The following PELP1 variants were observed in gnomAD, a reference collection of about 807,000 sequenced individuals.
PELP1 encodes proline, glutamate and leucine rich protein 1, also known as proline-, glutamic acid- and leucine-rich protein 1.
Under a neutral mutation model 95.5 loss-of-function variants are expected in PELP1, and 32 were observed. The ratio of observed to expected loss-of-function variants is 0.34; its 90% CI spans 0.25 to 0.45. The LOEUF is 0.45. Among genes scored for constraint, PELP1 ranks in the 20% least tolerant of loss-of-function variants. The pLI, the probability that PELP1 is intolerant of heterozygous loss-of-function variation, is 1.00. For missense variants in PELP1, 1,358 were observed against 1,444.8 expected, an observed-to-expected ratio of 0.94 and a Z score of 0.97; for synonymous variants, 668 against 600.1, an observed-to-expected ratio of 1.11 and a Z score of -1.65.
Position 4,672,509 on chromosome 17 carries a change from C to T in PELP1, c.2482G>A (p.Glu828Lys), listed in dbSNP as rs749038727. Residue 828 changes from glutamate (E) to lysine (K), a missense_variant, in exon 16 of 17, where the codon GAG becomes AAG. Glu to Lys is a moderately conservative substitution (Grantham distance 56). Transcript: ENST00000572293. ...GGGGCTGCAGGAAGTTCTTCAGGCT[C>T]CTCCTTCGCTGGCACAGGAGGGGAG... is the stretch of plus-strand genomic sequence containing the variant. ...TASPPVPAKEEPEELPAAPGP... is the reference protein window; with the variant it reads ...TASPPVPAKEKPEELPAAPGP... The T allele has an allele frequency of 6.3e-7, 1 of 1,582,220 alleles. No individual in the cohort carries two copies. Among genetic ancestry groups the T allele is most frequent in the Admixed American group, 1.8e-5 (1 of 56,906 alleles).
At chr17:4,689,774 T>C (rs1185837695) in intron 3 of PELP1, among the ~76,000 whole-genome samples, 4 of 152,182 alleles carry the variant, frequency 2.6e-5, no homozygotes, top group Non-Finnish European at 4.4e-5. Context: ...ATGCCTGTAA[T>C]CCCAGCACTT....
At chr17:4,699,296 C>A (rs564052722) in intron 1 of PELP1, among the ~76,000 whole-genome samples, 2 of 151,918 alleles carry the variant, frequency 1.3e-5, no homozygotes, top group African/African-American at 4.8e-5. Context: ...AGGAGAATGA[C>A]GTGAACCCGG....
At chr17:4,701,409 A>C (rs1369223983) in intron 1 of PELP1, among the ~76,000 whole-genome samples, 1 of 152,220 alleles carries the variant, frequency 6.6e-6, no homozygotes, top group African/African-American at 2.4e-5. Flanking sequence ...CAGAGGCTGA[A>C]GGATTTTTAA....
At chr17:4,687,353 A>G (rs1050549801) in intron 3 of PELP1, among the ~76,000 whole-genome samples, 33 of 152,222 alleles carry the variant, frequency 2.2e-4, no homozygotes, top group Non-Finnish European at 4.1e-4. Context: ...GATCATCCTG[A>G]CTAACATGGT....
intron 5 of PELP1, among the ~76,000 whole-genome samples, chr17:4,680,856 T>C (rs1912658525): frequency 6.6e-6 from 1 of 152,250 alleles, no homozygotes. Flanking sequence ...AAACAACAAA[T>C]GTGCCAATTA....
In PELP1 at chr17:4,675,098, C is replaced by T. The variant is rs992573417; in HGVS notation, c.1255G>A (p.Gly419Ser). Residue 419 changes from glycine to serine, a missense_variant, in exon 11 of 17, where the codon GGC becomes AGC. Around this residue, in one of 7 missense-constraint regions of PELP1, gnomAD observed 538 missense variants for 628.1 expected, o/e 0.86. Coordinates refer to ENST00000572293, the MANE Select transcript of PELP1 (RefSeq NM_014389.3). The surrounding 1 kb of genome is among the most constrained non-coding windows in gnomAD (Gnocchi z 4.3). Reference protein sequence around the residue: ...WSIGRDSLSPGQERPYSTVRT... With the variant: ...WSIGRDSLSPSQERPYSTVRT... ...GGTCACCTGTAAGGCCTCTCCTGGC[C>T]TGGAGAGAGGGAATCTCTACCGATG... 9.9e-6 allele frequency: 16 copies of T among 1,613,842 alleles called. No homozygotes were observed. Among genetic ancestry groups the T allele is most frequent in the Non-Finnish European group, 1.4e-5 (16 of 1,179,818 alleles).
intron 3 of PELP1, among the ~76,000 whole-genome samples, chr17:4,683,547 T>TTTTTC (rs1309831927): frequency 7.3e-6 from 1 of 137,666 alleles, no homozygotes; most frequent in East Asian, 2.0e-4. Flanking sequence ...TTTTTTTTTT[T>TTTTTC]TGAGACAGAG....
At position 4,688,086 on chromosome 17, in the gene PELP1, G is replaced by A. The variant is rs572501734; in HGVS notation, c.420+2802C>T. The stretch of plus-strand genomic sequence containing the variant: ...ACAGTGGCTCACACCTGTAGTCTTA[G>A]CACTTAGGGAGGCCGAGGCAGTCAG... On this transcript the variant is annotated intron_variant, in intron 3 of 16. Coordinates refer to ENST00000572293, the MANE Select transcript of PELP1 (RefSeq NM_014389.3). 4.6e-5 allele frequency among the ~76,000 whole-genome samples: 7 copies of A among 152,312 alleles called. No homozygotes were observed. In the East Asian group the frequency reaches 1.3e-3, roughly 29 times the overall value.
At position 4,682,829 on chromosome 17, in the gene PELP1, T is replaced by C; in HGVS notation, c.544A>G (p.Thr182Ala). 6.3e-7 allele frequency: 1 copy of C among 1,592,210 alleles called. No individual in the cohort carries two copies. Among genetic ancestry groups the C allele is most frequent in the Non-Finnish European group, 8.5e-7 (1 of 1,171,114 alleles). Residue 182 changes from threonine (T) to alanine (A), a missense_variant, in exon 4 of 17, where the codon ACC (threonine) becomes GCC (alanine). By Grantham distance (58) the Thr-to-Ala change is moderately conservative (BLOSUM62 0). Transcript: ENST00000572293. ...ISMNHLPGLL[T>A]SLLGLRPECE... Reference sequence around the variant, plus strand: ...TCTGGCCTGAGGCCCAGCAGGGAGGTGAGAAGGCCAGGGAGGTGGTTCATG... The same window carrying C: ...TCTGGCCTGAGGCCCAGCAGGGAGGCGAGAAGGCCAGGGAGGTGGTTCATG...
At position 4,675,811 on chromosome 17, in the gene PELP1, T is replaced by G; in HGVS notation, c.1054A>C (p.Ser352Arg). 6.3e-7 allele frequency: 1 copy of G among 1,579,968 alleles called. No homozygotes were observed. The highest frequency in any genetic ancestry group is 1.2e-5 in the South Asian group (1 of 86,168). ...ATCCCACTTACAATATTCTTGCTAC[T>G]GACGCTGAGGGTCCGGCAGATGAAA... is the stretch of plus-strand genomic sequence containing the variant. ...LDFICRTLSV[S>R]SKNISLHGDG... Residue 352 changes from serine (S) to arginine (R), a missense_variant, in exon 9 of 17, where the codon AGT (serine) becomes CGT (arginine). By Grantham distance (110) the Ser-to-Arg change is moderately radical. Transcript: ENST00000572293. The surrounding 1 kb of genome is among the most constrained non-coding windows in gnomAD (Gnocchi z 4.3).
At chr17:4,702,192 G>A (rs937532191) in intron 1 of PELP1, among the ~76,000 whole-genome samples, 1 of 152,228 alleles carries the variant, frequency 6.6e-6, no homozygotes, top group African/African-American at 2.4e-5. Flanking sequence ...GCCAAGGCAA[G>A]TGAATCGCCT....
intron 3 of PELP1, among the ~76,000 whole-genome samples, chr17:4,683,466 G>A (rs573861070): frequency 9.2e-4 from 138 of 150,818 alleles, no homozygotes; most frequent in African/African-American, 2.8e-3. Context: ...TGATCTGCCC[G>A]CCTTGGCCTC....
intron 1 of PELP1, among the ~76,000 whole-genome samples, chr17:4,701,332 T>TG (rs1913526327): frequency 9.0e-6 from 1 of 111,466 alleles, no homozygotes; most frequent in African/African-American, 3.5e-5. Flanking sequence ...GTTGGGGGGG[T>TG]GGGGGCACTG....
intron 1 of PELP1, among the ~76,000 whole-genome samples, chr17:4,698,727 ATGTTGT>A (rs58806307): frequency 2.8e-4 from 43 of 151,452 alleles, no homozygotes; most frequent in African/African-American, 9.7e-4. Context: ...TGGACTAGAA[ATGTTGT>A]TGTTGTTGTT....
chr17:4,704,045 C>A lies in PELP1; in HGVS notation c.67G>T (p.Gly23Cys), dbSNP rs1427471627. The stretch of plus-strand genomic sequence containing the variant: ...GGGCCCGAGCTCACTGCCGAGAGAC[C>A]CCCGGTCCCGCCAGGAACCCCAGCC... ...SAAGVPGGTGGLSAVSSGPRL... is the reference protein window; with the variant it reads ...SAAGVPGGTGCLSAVSSGPRL... The change falls in exon 1 of 17, where the codon GGT (glycine) becomes TGT (cysteine). Residue 23 changes from glycine (G) to cysteine (C), a missense_variant. Around this residue, in one of 7 missense-constraint regions of PELP1, gnomAD observed 169 missense variants for 134.9 expected, o/e 1.25. Coordinates refer to ENST00000572293, the MANE Select transcript of PELP1 (RefSeq NM_014389.3). The A allele has an allele frequency of 6.2e-7, 1 of 1,612,702 alleles. No individual in the cohort carries two copies. Among genetic ancestry groups the A allele is most frequent in the Non-Finnish European group, 8.5e-7 (1 of 1,179,648 alleles).
At position 4,672,520 on chromosome 17, in the gene PELP1, G is replaced by T; in HGVS notation, c.2471C>A (p.Pro824Gln). ...AAGTTCTTCAGGCTCCTCCTTCGCT[G>T]GCACAGGAGGGGAGGCTGTTGGTGG... ...TGPPTASPPV[P>Q]AKEEPEELPA... is the part of the protein sequence containing the mutation. The change falls in exon 16 of 17, where the codon CCA becomes CAA. Residue 824 changes from proline (P) to glutamine (Q), a missense_variant. Physicochemically the swap from Pro to Gln is moderately conservative, Grantham distance 76. This residue lies in a region of PELP1 where 340 missense variants were observed against 322.9 expected (regional missense o/e 1.05). Coordinates refer to ENST00000572293, the MANE Select transcript of PELP1 (RefSeq NM_014389.3). 1 of 1,582,480 alleles carries T rather than the reference G, an allele frequency of 6.3e-7. No homozygotes were observed. Among genetic ancestry groups the T allele is most frequent in the Non-Finnish European group, 8.6e-7 (1 of 1,165,282 alleles).
In PELP1 at chr17:4,671,977, A is replaced by T; in HGVS notation, c.3014T>A (p.Leu1005Gln). Reference sequence around the variant, plus strand: ...CCCTGGCTCCTCCACTTCCAAAAGCAGCCCGGGTTCAGGTTCGGGTTCTGG... The same window carrying T: ...CCCTGGCTCCTCCACTTCCAAAAGCTGCCCGGGTTCAGGTTCGGGTTCTGG... ...VQPEPEPEPG[L>Q]LLEVEEPGTE... Residue 1005 changes from leucine (L) to glutamine (Q), a missense_variant, in exon 16 of 17, where the codon CTG (leucine) becomes CAG (glutamine). By Grantham distance (113) the Leu-to-Gln change is moderately radical. Around this residue, in one of 7 missense-constraint regions of PELP1, gnomAD observed 283 missense variants for 284.1 expected, o/e 1.00. Coordinates refer to ENST00000572293, the MANE Select transcript of PELP1 (RefSeq NM_014389.3). The T allele has an allele frequency of 1.9e-6, 3 of 1,542,504 alleles. No homozygotes were observed. Among genetic ancestry groups the T allele is most frequent in the Non-Finnish European group, 2.6e-6 (3 of 1,149,198 alleles).
chr17:4,676,223 T>C, intron 7 of PELP1, 61 bp from the exon 8 acceptor site: 5 of 1,599,030 alleles, frequency 3.1e-6, no homozygotes, highest in Non-Finnish European at 4.3e-6. Context: ...CTGTCATTTC[T>C]GGTGGACGAC....
At chr17:4,681,250 C>G (rs942123519) in intron 5 of PELP1, among the ~76,000 whole-genome samples, 1 of 152,132 alleles carries the variant, frequency 6.6e-6, no homozygotes, top group African/African-American at 2.4e-5. Flanking sequence ...TTTGGGAGGC[C>G]GAGGCGGGAG....
Sources: allele counts gnomAD v4.1 joint callset (sites outside exome capture counted in the v4.1 genomes callset), GRCh38; gene constraint gnomAD v4.1.1; regional missense constraint gnomAD v4.1.1; non-coding constraint Gnocchi (gnomAD v3.1); transcripts MANE v1.5; gene names NCBI Gene and HGNC (gene_info 2026-07-23, HGNC 2026-07-21).